Variants in KIAA0825 observed in about 807,000 individuals in gnomAD.
KIAA0825 encodes the protein KIAA0825.
In KIAA0825, 119 loss-of-function variants were observed where a neutral mutation model predicts 147.6. The observed-to-expected ratio is 0.81, with a 90% CI of 0.69 to 0.94. The LOEUF (loss-of-function observed/expected upper bound fraction) is 0.94. Among genes scored for constraint, KIAA0825 ranks in the 40% least tolerant of loss-of-function variants. The pLI is 0.00. For missense variants in KIAA0825, 1,381 were observed against 1,472.7 expected (o/e 0.94, Z 1.02); for synonymous variants, 470 against 518.1 (o/e 0.91, Z 1.26).
chr5:94,159,085 G>T (rs1342823698), intron 20 of KIAA0825, among the ~76,000 whole-genome samples: 1 of 152,130 alleles, frequency 6.6e-6, no homozygotes, highest in Admixed American at 6.5e-5. Context: ...TGACTCTGTG[G>T]TTCTCTTGTC....
intron 5 of KIAA0825, among the ~76,000 whole-genome samples, chr5:94,507,264 A>G (rs1765853645): frequency 6.6e-6 from 1 of 152,226 alleles, no homozygotes; most frequent in Admixed American, 6.5e-5. Flanking sequence ...CTTGGTCAAC[A>G]TAGTGAAATC....
At chr5:94,255,782 G>A (rs1448282667) in intron 20 of KIAA0825, among the ~76,000 whole-genome samples, 1 of 118,850 alleles carries the variant, frequency 8.4e-6, no homozygotes, top group Non-Finnish European at 1.6e-5. Context: ...GCAATGGCAT[G>A]ATCACATGGA....
intron 20 of KIAA0825, among the ~76,000 whole-genome samples, chr5:94,323,143 T>C (rs1174409257): frequency 1.3e-5 from 2 of 151,998 alleles, no homozygotes; most frequent in Non-Finnish European, 2.9e-5. Flanking sequence ...TAAATAGAGA[T>C]ACACTCACAC....
chr5:94,540,493 C>T (rs1050504688), intron 2 of KIAA0825, among the ~76,000 whole-genome samples: 1 of 152,140 alleles, frequency 6.6e-6, no homozygotes, highest in Non-Finnish European at 1.5e-5. Context: ...CAATGGTGGC[C>T]CAGGTTCAGG....
intron 2 of KIAA0825, among the ~76,000 whole-genome samples, chr5:94,572,298 C>T (rs745908818): frequency 7.2e-5 from 11 of 152,190 alleles, no homozygotes; most frequent in Non-Finnish European, 1.6e-4. Context: ...CCTAACTGCT[C>T]ATGTCTGAGT....
chr5:94,405,473 A>T (rs1278186366), intron 15 of KIAA0825, among the ~76,000 whole-genome samples: 1 of 152,220 alleles, frequency 6.6e-6, no homozygotes, highest in Non-Finnish European at 1.5e-5. Flanking sequence ...ACCAACCAGA[A>T]GTCATTGGAA....
chr5:94,389,943 T>C (rs984544907), intron 18 of KIAA0825, among the ~76,000 whole-genome samples: 8 of 152,192 alleles, frequency 5.3e-5, no homozygotes, highest in African/African-American at 1.9e-4. Context: ...TCCCATCTGA[T>C]AGACATTACT....
At chr5:94,454,021 A>G (rs1758768616) in intron 12 of KIAA0825, among the ~76,000 whole-genome samples, 1 of 152,230 alleles carries the variant, frequency 6.6e-6, no homozygotes, top group African/African-American at 2.4e-5. Flanking sequence ...TTTCAAAATT[A>G]AAACAATGTA....
intron 1 of KIAA0825, among the ~76,000 whole-genome samples, chr5:94,606,296 G>C (rs1371336699): frequency 6.6e-6 from 1 of 152,194 alleles, no homozygotes; most frequent in Non-Finnish European, 1.5e-5. Context: ...CTCATGGATA[G>C]AAAGAATCAA....
chr5:94,462,313 T>A, intron 12 of KIAA0825, 74 bp downstream of exon 12: 1 of 789,148 alleles, frequency 1.3e-6, no homozygotes, highest in East Asian at 3.1e-5. Context: ...CATAATTCCA[T>A]AAGTGTTATG....
chr5:94,304,511 T>C (rs866705954), intron 20 of KIAA0825, among the ~76,000 whole-genome samples: 9 of 152,030 alleles, frequency 5.9e-5, no homozygotes, highest in Middle Eastern at 3.2e-3. Context: ...ATCAGAAGAC[T>C]CGCCGAATCT....
At chr5:94,400,391 T>C (rs1184206706) in intron 16 of KIAA0825, among the ~76,000 whole-genome samples, 2 of 152,154 alleles carry the variant, frequency 1.3e-5, no homozygotes, top group Non-Finnish European at 2.9e-5. Context: ...TAGGCCTGGT[T>C]TTTATACACT....
chr5:94,154,109 C>G lies in KIAA0825; in HGVS notation c.3726G>C (p.Lys1242Asn). ...TTTCTTCCTCTTCTAGTGTTTCATC[C>G]TTCTTCATTTCCCACCTAAAAGAAA... ...VLLKNRWEMK[K>N]DETLEEEEKA... The change falls in exon 21 of 21, where the codon AAG becomes AAC. Residue 1242 changes from lysine to asparagine, a missense_variant. Physicochemically the swap from Lys to Asn is moderately conservative, Grantham distance 94 (BLOSUM62 0). Coordinates refer to ENST00000682413, the MANE Select transcript of KIAA0825 (RefSeq NM_001145678.3). The G allele has an allele frequency of 1.3e-6, 2 of 1,550,440 alleles. No individual in the cohort carries two copies. The highest frequency in any genetic ancestry group is 1.7e-6 in the Non-Finnish European group (2 of 1,145,950).
chr5:94,307,415 A>C (rs1778813160), intron 20 of KIAA0825, among the ~76,000 whole-genome samples: 1 of 151,676 alleles, frequency 6.6e-6, no homozygotes, highest in African/African-American at 2.4e-5. Context: ...ATTTCAGAAA[A>C]GTTGTTCACC....
At chr5:94,468,476 C>A (rs756980774) in intron 10 of KIAA0825, among the ~76,000 whole-genome samples, 1 of 152,188 alleles carries the variant, frequency 6.6e-6, no homozygotes, top group Admixed American at 6.5e-5. Flanking sequence ...TAATTCTTAT[C>A]TCAGGCTACC....
intron 14 of KIAA0825, among the ~76,000 whole-genome samples, chr5:94,422,679 T>C (rs560157108): frequency 2.0e-5 from 3 of 152,226 alleles, no homozygotes; most frequent in East Asian, 3.9e-4. Flanking sequence ...GACCAGACAT[T>C]TGTTTTGTTT....
At chr5:94,156,248 T>G (rs1391997298) in intron 20 of KIAA0825, among the ~76,000 whole-genome samples, 1 of 152,178 alleles carries the variant, frequency 6.6e-6, no homozygotes, top group Non-Finnish European at 1.5e-5. Flanking sequence ...CAAATGCAAT[T>G]AACAATCGTG....
At chr5:94,571,716 T>C (rs938416941) in intron 2 of KIAA0825, among the ~76,000 whole-genome samples, 1 of 152,212 alleles carries the variant, frequency 6.6e-6, no homozygotes, top group Non-Finnish European at 1.5e-5. Context: ...GTCATCATGG[T>C]GGATGGTAAG....
intron 2 of KIAA0825, among the ~76,000 whole-genome samples, chr5:94,574,068 T>A (rs1780493238): frequency 6.6e-6 from 1 of 152,068 alleles, no homozygotes; most frequent in Non-Finnish European, 1.5e-5. Flanking sequence ...GAGCTCCCTA[T>A]GGGCAGATGG....
Sources: allele counts gnomAD v4.1 joint callset (sites outside exome capture counted in the v4.1 genomes callset), GRCh38; gene constraint gnomAD v4.1.1; transcripts MANE v1.5; gene names NCBI Gene and HGNC (gene_info 2026-07-23, HGNC 2026-07-21).